Variants in SLC25A18 observed in about 807,000 individuals in gnomAD.
SLC25A18 encodes solute carrier family 25 member 18.
A neutral mutation model predicts 31.1 loss-of-function variants in SLC25A18; 24 were observed. That is an observed-to-expected ratio of 0.77 (90% CI 0.56 to 1.08). The LOEUF is 1.08. Among genes scored for constraint, SLC25A18 ranks in the 50% least tolerant of loss-of-function variants. The probability of loss-of-function intolerance (pLI) is 0.00; values close to 1 mark genes in which losing one functional copy is unlikely to be tolerated. For synonymous variants in SLC25A18, 173 were observed against 161.9 expected (o/e 1.07, Z -0.52); for missense variants, 371 against 418.5 (o/e 0.89, Z 0.99).
chr22:17,587,215 C>A lies in SLC25A18; in HGVS notation c.489C>A (p.Arg163=). 3 of 1,614,174 alleles carry A rather than the reference C, an allele frequency of 1.9e-6. No homozygotes were observed. The highest frequency in any genetic ancestry group is 2.5e-6 in the Non-Finnish European group (3 of 1,180,052). ...CTGGTTCGGCTTCCACCCACAGGCGCCCCTCTGCCACCCTCATTGCCTGGG... is the reference window on the plus strand; with the variant it reads ...CTGGTTCGGCTTCCACCCACAGGCGACCCTCTGCCACCCTCATTGCCTGGG... The part of the protein sequence containing the change: ...YTTGSASTHR[R]PSATLIAWEL... The change falls in exon 8 of 11, where the codon CGC becomes CGA. Residue 163 remains arginine (R), a synonymous_variant. Coordinates refer to ENST00000327451, the MANE Select transcript of SLC25A18 (RefSeq NM_031481.3).
At chr22:17,573,339 A>T (rs2057147170) in intron 2 of SLC25A18, among the ~76,000 whole-genome samples, 1 of 152,082 alleles carries the variant, frequency 6.6e-6, no homozygotes, top group Non-Finnish European at 1.5e-5. Flanking sequence ...ATCAGTTGAC[A>T]GTGCTGCACC....
At chr22:17,571,368 G>A (rs2057082716) in intron 2 of SLC25A18, among the ~76,000 whole-genome samples, 1 of 152,180 alleles carries the variant, frequency 6.6e-6, no homozygotes. Context: ...TATGTGATCT[G>A]AGGAGCTTGG....
Position 17,579,937 on chromosome 22 carries a change from C to T in SLC25A18, c.-8C>T. The stretch of plus-strand genomic sequence containing the variant: ...GCCTTGTGTCCTGGGATCCCCAGCC[C>T]CTGCAGAATGACCCACCAGGATCTG... On this transcript the variant is annotated 5_prime_UTR_variant, in exon 3 of 11. Coordinates refer to ENST00000327451, the MANE Select transcript of SLC25A18 (RefSeq NM_031481.3). 5.0e-6 allele frequency: 8 copies of T among 1,610,276 alleles called. No individual in the cohort carries two copies. Among genetic ancestry groups the T allele is most frequent in the Non-Finnish European group, 6.8e-6 (8 of 1,178,788 alleles).
At chr22:17,577,014 C>T (rs186160963) in intron 2 of SLC25A18, among the ~76,000 whole-genome samples, 38 of 152,138 alleles carry the variant, frequency 2.5e-4, no homozygotes, top group Admixed American at 2.0e-3. Flanking sequence ...TGCCCATCAC[C>T]GCACCTGGCT....
At chr22:17,574,499 G>A (rs1318047311) in intron 2 of SLC25A18, among the ~76,000 whole-genome samples, 1 of 149,646 alleles carries the variant, frequency 6.7e-6, no homozygotes, top group Non-Finnish European at 1.5e-5. Flanking sequence ...GCTTTTAAAT[G>A]CTTCCTTATT....
At chr22:17,567,141 G>A (rs556177929) in intron 1 of SLC25A18, among the ~76,000 whole-genome samples, 41 of 152,288 alleles carry the variant, frequency 2.7e-4, no homozygotes, top group African/African-American at 9.1e-4. Context: ...CAGCCTGGGC[G>A]ACAGAGCAAG....
intron 2 of SLC25A18, among the ~76,000 whole-genome samples, chr22:17,578,712 C>T (rs974145062): frequency 4.6e-5 from 7 of 152,164 alleles, no homozygotes; most frequent in African/African-American, 7.2e-5. Flanking sequence ...GAGTGGATCA[C>T]CTGAGGTCGG....
rs527294507 is a variant in SLC25A18, at chr22:17,590,597, G to A, written c.*361G>A. On this transcript the variant is annotated 3_prime_UTR_variant, in exon 11 of 11. Coordinates refer to ENST00000327451, the MANE Select transcript of SLC25A18 (RefSeq NM_031481.3). ...ACATTTCTATTTCACAGTCAAACTC[G>A]GCATTCTTCAGTCAGCTTGAGGATT... is the stretch of plus-strand genomic sequence containing the variant. The A allele has an allele frequency of 2.6e-5, 5 of 193,962 alleles. No individual in the cohort carries two copies. The East Asian group carries it at 5.0e-4, about 19-fold the overall frequency. 12.0% of individuals were successfully genotyped at this position (193,962 alleles called of 1,614,324 possible). A position where few individuals can be genotyped will look rare whatever the true frequency, so the allele number is the denominator to read the frequency against.
At chr22:17,584,781 C>CAAAAAAAAAAAA (rs66948770) in intron 7 of SLC25A18, among the ~76,000 whole-genome samples, 18 of 20,064 alleles carry the variant, frequency 9.0e-4, no homozygotes, top group African/African-American at 1.5e-3. Context: ...GAATTCATCT[C>CAAAAAAAAAAAA]AAAAAAAAAA....
At chr22:17,574,858 T>C (rs949464079) in intron 2 of SLC25A18, among the ~76,000 whole-genome samples, 2 of 141,744 alleles carry the variant, frequency 1.4e-5, no homozygotes, top group South Asian at 2.3e-4. Context: ...ATTATTTATA[T>C]ATGTATTTTT....
chr22:17,566,393 T>C (rs1382402046), intron 1 of SLC25A18, among the ~76,000 whole-genome samples: 2 of 151,442 alleles, frequency 1.3e-5, no homozygotes, highest in African/African-American at 2.4e-5. Context: ...ATCTCTTCCC[T>C]CCTGTGAGCA....
At chr22:17,571,759 A>G (rs1197272834) in intron 2 of SLC25A18, among the ~76,000 whole-genome samples, 1 of 134,092 alleles carries the variant, frequency 7.5e-6, no homozygotes, top group East Asian at 2.0e-4. Context: ...TCTCAAAAAG[A>G]AAAAAAAAAA....
chr22:17,569,984 C>CTTT lies in SLC25A18; in HGVS notation c.-203_-202insTTT. On this transcript the variant is annotated splice_region_variant and 5_prime_UTR_variant, in exon 2 of 11. The change creates a premature stop within an existing upstream ORF in the 5' untranslated region. Coordinates refer to ENST00000327451, the MANE Select transcript of SLC25A18 (RefSeq NM_031481.3). ...AAAAGGCAGAGGTTCTTACCGAAAG[C>CTTT]AGGTAAGTGTCTTGTCTGTCTGCAT... is the stretch of plus-strand genomic sequence containing the variant. 5 of 985,430 alleles carry CTTT rather than the reference C, an allele frequency of 5.1e-6. No individual in the cohort carries two copies. The highest frequency in any genetic ancestry group is 6.0e-6 in the Non-Finnish European group (5 of 829,952). 61.0% of individuals were successfully genotyped at this position (985,430 alleles called of 1,614,324 possible). A position where few individuals can be genotyped will look rare whatever the true frequency, so the allele number is the denominator to read the frequency against.
Position 17,563,576 on chromosome 22 carries a change from A to C in SLC25A18, c.-401A>C. 1.4e-6 allele frequency: 1 copy of C among 706,734 alleles called. No homozygotes were observed. Among genetic ancestry groups the C allele is most frequent in the Non-Finnish European group, 1.7e-6 (1 of 575,488 alleles). The allele number at this position is 706,734 out of a possible 1,614,324, so 43.8% of individuals were successfully genotyped here. On this transcript the variant is annotated 5_prime_UTR_variant, in exon 1 of 11. Transcript: ENST00000327451. ...TGGACAGAATTTTTAAAAGCAATGA[A>C]GCCAGTTCCTTGGATATATCCACGG...
intron 6 of SLC25A18, 21 bp from the exon 7 acceptor site, chr22:17,583,395 G>A (rs762189662): frequency 1.9e-6 from 3 of 1,613,612 alleles, no homozygotes; most frequent in African/African-American, 2.7e-5. Flanking sequence ...GGCTGAAGGA[G>A]CCTGACGCCT....
intron 1 of SLC25A18, among the ~76,000 whole-genome samples, chr22:17,568,540 G>A (rs963105689): frequency 1.4e-5 from 2 of 139,216 alleles, no homozygotes; most frequent in African/African-American, 5.2e-5. Flanking sequence ...TGGGAGCCGA[G>A]AATATAAAGT....
chr22:17,566,477 A>G (rs569768688), intron 1 of SLC25A18, among the ~76,000 whole-genome samples: 3 of 151,970 alleles, frequency 2.0e-5, no homozygotes, highest in South Asian at 4.2e-4. Flanking sequence ...CAATGGCGCA[A>G]TCTCGGCTCA....
chr22:17,589,330 G>A (rs927399833), intron 9 of SLC25A18: 17 of 348,116 alleles, frequency 4.9e-5, no homozygotes, highest in East Asian at 7.3e-5. Context: ...ACAGGAACGC[G>A]CCACGCCCGG....
chr22:17,584,217 C>T (rs142324953), intron 7 of SLC25A18: 175 of 266,770 alleles, frequency 6.6e-4, no homozygotes, highest in African/African-American at 3.9e-3. Context: ...CACGGTGAAA[C>T]CCCATCTTTA....
Sources: gnomAD v4.1 joint callset for allele counts (sites outside exome capture counted in the v4.1 genomes callset) on GRCh38, gnomAD v4.1.1 for gene constraint, MANE v1.5 for transcripts, NCBI Gene and HGNC (gene_info 2026-07-23, HGNC 2026-07-21) for gene names.